Variants in DNAJC16 observed in about 807,000 individuals in gnomAD.
DNAJC16 encodes the protein DnaJ heat shock protein family (Hsp40) member C16.
In DNAJC16, 76 loss-of-function variants were observed where a neutral mutation model predicts 92.7. The observed-to-expected ratio is 0.82, with a 90% CI of 0.68 to 0.99. DNAJC16 has a LOEUF of 0.99. Ranked by LOEUF, DNAJC16 falls within the 50% of genes least tolerant of loss-of-function variation. The pLI, the probability that DNAJC16 is intolerant of heterozygous loss-of-function variation, is 0.00. For synonymous variants in DNAJC16, 328 were observed against 358.7 expected (o/e 0.91, Z 0.97); for missense variants, 869 against 942.4 (o/e 0.92, Z 1.02).
chr1:15,536,353 T>C lies in DNAJC16; in HGVS notation c.235-122T>C, dbSNP rs112986678. ...CCTCAGCCTCCCAAAGTGCTGGGAT[T>C]ACAGGTGTGAGCCACCACGACTGGC... On this transcript the variant is annotated intron_variant, in intron 3 of 14. Transcript: ENST00000375847. 2,631 of 782,194 alleles carry C rather than the reference T, an allele frequency of 3.4e-3. 60 individuals are homozygous for C. The African/African-American group carries it at 0.038, about 11-fold the overall frequency. The allele number at this position is 782,194 out of a possible 1,614,324, so 48.5% of individuals were successfully genotyped here.
chr1:15,532,591 C>A (rs1413148148), intron 2 of DNAJC16, among the ~76,000 whole-genome samples: 1 of 152,180 alleles, frequency 6.6e-6, no homozygotes, highest in African/African-American at 2.4e-5. Context: ...TCCTACCCTT[C>A]TTCTACAGAG....
At chr1:15,539,043 G>A (rs775492786) in intron 4 of DNAJC16, among the ~76,000 whole-genome samples, 3 of 152,098 alleles carry the variant, frequency 2.0e-5, no homozygotes, top group Non-Finnish European at 4.4e-5. Context: ...GGTGTGATAT[G>A]TGTTTAGGAT....
In DNAJC16 at chr1:15,568,139, C is replaced by T. The variant is rs201771992; in HGVS notation, c.2311C>T (p.Gln771Ter). ...WMERLLEGSLQRFYIPSWPEL... is the reference protein window; with the variant it reads ...WMERLLEGSL ...GGAACGCCTGCTGGAGGGCTCCTTACAGAGGTTTTATATCCCATCATGGCC... is the reference window on the plus strand; with the variant it reads ...GGAACGCCTGCTGGAGGGCTCCTTATAGAGGTTTTATATCCCATCATGGCC... The change falls in exon 15 of 15, where the codon CAG becomes TAG. Residue 771 changes from glutamine to a stop codon, truncating the protein, a stop_gained. Transcript: ENST00000375847. LOFTEE classifies it high-confidence loss of function. 3 of 1,613,740 alleles carry T rather than the reference C, an allele frequency of 1.9e-6. No homozygotes were observed. The highest frequency in any genetic ancestry group is 3.3e-5 in the Admixed American group (2 of 59,984).
In DNAJC16 at chr1:15,536,775, C is replaced by G. The variant is rs773099239; in HGVS notation, c.535C>G (p.Pro179Ala). The change falls in exon 4 of 15, where the codon CCT (proline) becomes GCT (alanine). Residue 179 changes from proline to alanine, a missense_variant. Physicochemically the swap from Pro to Ala is conservative, Grantham distance 27. Coordinates refer to ENST00000375847, the MANE Select transcript of DNAJC16 (RefSeq NM_015291.4). ...GTGCTTTAGCTGCATTCATATCGAG[C>G]CTGTGTGGAAAGAAGTCATTCAAGA... ...DWCFSCIHIE[P>A]VWKEVIQELE... 6.2e-7 allele frequency: 1 copy of G among 1,610,962 alleles called. No individual in the cohort carries two copies. The highest frequency in any genetic ancestry group is 8.5e-7 in the Non-Finnish European group (1 of 1,179,000).
At chr1:15,564,435 A>G in intron 11 of DNAJC16, 76 bp downstream of exon 11, 3 of 984,130 alleles carry the variant, frequency 3.0e-6, no homozygotes, top group South Asian at 2.6e-5. Flanking sequence ...AAAAGAGTTC[A>G]TCATTATTAA....
At chr1:15,533,588 A>C (rs1322039604) in intron 2 of DNAJC16, among the ~76,000 whole-genome samples, 1 of 152,224 alleles carries the variant, frequency 6.6e-6, no homozygotes, top group East Asian at 1.9e-4. Flanking sequence ...AGATTGTACC[A>C]CTGCATTCCA....
Position 15,564,047 on chromosome 1 carries a change from G to T in DNAJC16, c.1457G>T (p.Arg486Leu). Residue 486 changes from arginine to leucine, a missense_variant, in exon 10 of 15, where the codon CGT becomes CTT. Arg to Leu is a moderately radical substitution (Grantham distance 102). Transcript: ENST00000375847. ...CTCTTGGGCTATCTCGACCAGCTGC[G>T]TAAAGATCCAGCTCTTCTGTCCTCT... The part of the protein sequence containing the change: ...FILLGYLDQL[R>L]KDPALLSSEA... The T allele has an allele frequency of 6.2e-7, 1 of 1,613,722 alleles. No homozygotes were observed. The highest frequency in any genetic ancestry group is 8.5e-7 in the Non-Finnish European group (1 of 1,179,614).
At chr1:15,565,726 G>T in intron 11 of DNAJC16, 193 bp from the exon 12 acceptor site, 1 of 616,870 alleles carries the variant, frequency 1.6e-6, no homozygotes, top group South Asian at 2.0e-5. Context: ...TAAGCTGTCT[G>T]TGAATTAGAA....
chr1:15,551,625 T>A (rs1638444351), intron 7 of DNAJC16, among the ~76,000 whole-genome samples: 1 of 151,842 alleles, frequency 6.6e-6, no homozygotes, highest in South Asian at 2.1e-4. Context: ...TGCTTTTGTT[T>A]TTGTTTTTTA....
rs148141567 is a variant in DNAJC16, at chr1:15,543,409, C to T, written c.575-990C>T. 8.7e-4 allele frequency among the ~76,000 whole-genome samples: 133 copies of T among 152,368 alleles called. 2 individuals are homozygous for T. In the East Asian group the frequency reaches 0.023, roughly 26 times the overall value. On this transcript the variant is annotated intron_variant, in intron 4 of 14. Coordinates refer to ENST00000375847, the MANE Select transcript of DNAJC16 (RefSeq NM_015291.4). ...GCCCTGAGGCAGGAGCATCCACTGT[C>T]TTCATAGCACAGCAAGGACGCTGGG...
chr1:15,555,386 A>C (rs1002117922), intron 7 of DNAJC16, among the ~76,000 whole-genome samples: 37 of 128,278 alleles, frequency 2.9e-4, no homozygotes, highest in African/African-American at 1.2e-3. Flanking sequence ...ACTCCATCTC[A>C]AAAAAAAAAA....
intron 4 of DNAJC16, among the ~76,000 whole-genome samples, chr1:15,539,161 G>A (rs1227473708): frequency 6.6e-6 from 1 of 152,178 alleles, no homozygotes; most frequent in African/African-American, 2.4e-5. Context: ...ATTCCCGAGG[G>A]TGTGCAGATT....
Position 15,568,008 on chromosome 1 carries a change from G to A in DNAJC16, c.2180G>A (p.Ser727Asn). The A allele has an allele frequency of 6.2e-7, 1 of 1,614,254 alleles. No homozygotes were observed. Among genetic ancestry groups the A allele is most frequent in the Non-Finnish European group, 8.5e-7 (1 of 1,180,052 alleles). ...VEEEEAIGSC[S>N]DVDSSLYLGE... Reference sequence around the variant, plus strand: ...GAGGAGGAAGCCATAGGGTCGTGCAGTGATGTTGACTCTTCCCTCTACCTG... The same window carrying A: ...GAGGAGGAAGCCATAGGGTCGTGCAATGATGTTGACTCTTCCCTCTACCTG... The change falls in exon 15 of 15, where the codon AGT becomes AAT. Residue 727 changes from serine to asparagine, a missense_variant. By Grantham distance (46) the Ser-to-Asn change is conservative (BLOSUM62 1). Transcript: ENST00000375847.
At chr1:15,556,942 T>C (rs1419089634) in intron 7 of DNAJC16, among the ~76,000 whole-genome samples, 1 of 152,236 alleles carries the variant, frequency 6.6e-6, no homozygotes, top group African/African-American at 2.4e-5. Context: ...ATCCATTAGA[T>C]TATTCTGATT....
At chr1:15,557,864 CTGGGACTACAGGCACA>C (rs1200488277) in intron 7 of DNAJC16, among the ~76,000 whole-genome samples, 6 of 152,006 alleles carry the variant, frequency 3.9e-5, no homozygotes, top group African/African-American at 1.4e-4. Flanking sequence ...TCCCAAGTAG[CTGGGACTACAGGCACA>C]TGCCACCATG....
chr1:15,529,008 T>C, intron 1 of DNAJC16, 80 bp from the exon 2 acceptor site: 2 of 1,245,042 alleles, frequency 1.6e-6, no homozygotes, highest in Non-Finnish European at 2.2e-6. Context: ...TTTTCATCTA[T>C]ATATCTTATA....
chr1:15,559,800 A>T (rs1570926427), intron 8 of DNAJC16, 144 bp downstream of exon 8: 1 of 1,228,244 alleles, frequency 8.1e-7, no homozygotes, highest in African/African-American at 1.5e-5. Flanking sequence ...ATGGTGGCTC[A>T]TGCCTGTAAT....
At position 15,568,033 on chromosome 1, in the gene DNAJC16, G is replaced by A; in HGVS notation, c.2205G>A (p.Leu735=). Reference sequence around the variant, plus strand: ...GTGATGTTGACTCTTCCCTCTACCTGGGTGAATCTCGAGGGAAACCTTCCT... The same window carrying A: ...GTGATGTTGACTCTTCCCTCTACCTAGGTGAATCTCGAGGGAAACCTTCCT... ...SCSDVDSSLY[L]GESRGKPSCG... is the part of the protein sequence containing the mutation. The change falls in exon 15 of 15, where the codon CTG becomes CTA. Residue 735 remains leucine (L), a synonymous_variant. Coordinates refer to ENST00000375847, the MANE Select transcript of DNAJC16 (RefSeq NM_015291.4). 1 of 1,614,194 alleles carries A rather than the reference G, an allele frequency of 6.2e-7. No homozygotes were observed. Among genetic ancestry groups the A allele is most frequent in the Admixed American group, 1.7e-5 (1 of 60,018 alleles).
chr1:15,549,169 A>G (rs942579327), intron 7 of DNAJC16, among the ~76,000 whole-genome samples: 35 of 152,212 alleles, frequency 2.3e-4, no homozygotes, highest in Admixed American at 2.6e-4. Flanking sequence ...ACCTGAAACC[A>G]TGGAAACCAG....
Sources: allele counts gnomAD v4.1 joint callset (sites outside exome capture counted in the v4.1 genomes callset), GRCh38; gene constraint gnomAD v4.1.1; transcripts MANE v1.5; gene names NCBI Gene and HGNC (gene_info 2026-07-23, HGNC 2026-07-21).